The following PCDHGB3 variants were observed in gnomAD, a reference collection of about 807,000 sequenced individuals.
PCDHGB3 encodes the protein protocadherin gamma subfamily B, 3, also known as protocadherin gamma-B3.
In PCDHGB3, 40 loss-of-function variants were observed where a neutral mutation model predicts 59.2. The ratio of observed to expected loss-of-function variants is 0.68; its 90% CI spans 0.52 to 0.88. PCDHGB3 has a LOEUF of 0.88. PCDHGB3 is among the 40% of genes least tolerant of loss of function. The pLI is 0.00. For missense variants in PCDHGB3, 1,309 were observed against 1,187.9 expected, an observed-to-expected ratio of 1.10 and a Z score of -1.50; for synonymous variants, 581 against 503.6, an observed-to-expected ratio of 1.15 and a Z score of -2.06.
At chr5:141,467,208 A>G (rs1272958649) in intron 1 of PCDHGB3, among the ~76,000 whole-genome samples, 1 of 152,064 alleles carries the variant, frequency 6.6e-6, no homozygotes, top group East Asian at 1.9e-4. Flanking sequence ...ACATGCCACC[A>G]TGCCTGGCTA....
chr5:141,422,633 G>T lies in PCDHGB3; in HGVS notation c.2415+49824G>T, dbSNP rs769515606. 10 of 1,613,120 alleles carry T rather than the reference G, an allele frequency of 6.2e-6. No individual in the cohort carries two copies. In the East Asian group the frequency reaches 2.0e-4, roughly 32 times the overall value. ...TACATTCCCGAAAACAACCCCAGGG[G>T]TGCCTCCATCTTCTCAGTGACCGCC... On this transcript the variant is annotated intron_variant, in intron 1 of 3. Coordinates refer to ENST00000576222, the MANE Select transcript of PCDHGB3 (RefSeq NM_018924.5).
chr5:141,472,557 A>G (rs2099288029), intron 1 of PCDHGB3, among the ~76,000 whole-genome samples: 3 of 152,044 alleles, frequency 2.0e-5, no homozygotes, highest in Admixed American at 1.3e-4. Flanking sequence ...AAAAAATTAT[A>G]TTATAAATGC....
In PCDHGB3 at chr5:141,490,795, C is replaced by A; in HGVS notation, c.2416-4012C>A. The A allele has an allele frequency of 1.3e-5, 21 of 1,614,036 alleles. No homozygotes were observed. Among genetic ancestry groups the A allele is most frequent in the Non-Finnish European group, 1.8e-5 (21 of 1,179,922 alleles). On this transcript the variant is annotated intron_variant, in intron 1 of 3. Coordinates refer to ENST00000576222, the MANE Select transcript of PCDHGB3 (RefSeq NM_018924.5). This position sits in a 1 kb window ranked among gnomAD's most constrained non-coding sequence, Gnocchi z 5.4. ...CCCAGAGGATGGACGGATCTTTGCC[C>A]AGCGTACCTTTGACTATGAATTGCT...
intron 1 of PCDHGB3, among the ~76,000 whole-genome samples, chr5:141,454,458 G>A (rs535843071): frequency 5.3e-5 from 8 of 152,322 alleles, no homozygotes; most frequent in Non-Finnish European, 1.5e-5. Flanking sequence ...CCAGGCTGGA[G>A]TGCAATGGCA....
In PCDHGB3 at chr5:141,486,702, T is replaced by C; in HGVS notation, c.2416-8105T>C. On this transcript the variant is annotated intron_variant, in intron 1 of 3. Coordinates refer to ENST00000576222, the MANE Select transcript of PCDHGB3 (RefSeq NM_018924.5). The surrounding 1 kb of genome is among the most constrained non-coding windows in gnomAD (Gnocchi z 5.0). ...GTATCAGCTTCCTCTTTCATCTCTC[T>C]GAACCCCCAGACAGGAGCTGTTCAT... is the stretch of plus-strand genomic sequence containing the variant. 3 of 1,614,218 alleles carry C rather than the reference T, an allele frequency of 1.9e-6. No homozygotes were observed. Among genetic ancestry groups the C allele is most frequent in the Non-Finnish European group, 2.5e-6 (3 of 1,180,040 alleles).
chr5:141,489,061 C>A lies in PCDHGB3; in HGVS notation c.2416-5746C>A. On this transcript the variant is annotated intron_variant, in intron 1 of 3. Coordinates refer to ENST00000576222, the MANE Select transcript of PCDHGB3 (RefSeq NM_018924.5). This position sits in a 1 kb window ranked among gnomAD's most constrained non-coding sequence, Gnocchi z 4.5. ...AGCTCCACTCAAATTCAGCTCCCCT[C>A]CCCCCTGCCCACCCCCGCCACTCGG... 5 of 347,080 alleles carry A rather than the reference C, an allele frequency of 1.4e-5. No individual in the cohort carries two copies. The highest frequency in any genetic ancestry group is 2.2e-5 in the African/African-American group (1 of 46,422). 21.5% of individuals were successfully genotyped at this position (347,080 alleles called of 1,614,324 possible). A position where few individuals can be genotyped will look rare whatever the true frequency, so the allele number is the denominator to read the frequency against.
At position 141,489,185 on chromosome 5, in the gene PCDHGB3, T is replaced by TCTA; in HGVS notation, c.2416-5620_2416-5618dup. Reference sequence around the variant, plus strand: ...CAGCTGCTGCATTCCAAGCCCTGGGTCTACCTTGGAGACAGGACAGCACAG... The same window carrying TCTA: ...CAGCTGCTGCATTCCAAGCCCTGGGTCTACTACCTTGGAGACAGGACAGCACAG... On this transcript the variant is annotated intron_variant, in intron 1 of 3. Coordinates refer to ENST00000576222, the MANE Select transcript of PCDHGB3 (RefSeq NM_018924.5). This position sits in a 1 kb window ranked among gnomAD's most constrained non-coding sequence, Gnocchi z 4.5. 7.8e-7 allele frequency: 1 copy of TCTA among 1,286,838 alleles called. No homozygotes were observed. The highest frequency in any genetic ancestry group is 1.5e-5 in the South Asian group (1 of 65,798). The allele number at this position is 1,286,838 out of a possible 1,614,324, so 79.7% of individuals were successfully genotyped here.
At chr5:141,411,425 A>AC (rs971774943) in intron 1 of PCDHGB3, 58 of 150,512 alleles carry the variant, frequency 3.9e-4, no homozygotes, top group African/African-American at 1.4e-3. Flanking sequence ...AACAACAACA[A>AC]AAAAAAACAT....
chr5:141,420,795 A>G (rs1046945975), intron 1 of PCDHGB3, among the ~76,000 whole-genome samples: 1 of 152,260 alleles, frequency 6.6e-6, no homozygotes, highest in Non-Finnish European at 1.5e-5. Flanking sequence ...AAAACTTTTT[A>G]AAAATTAAGC....
rs2149980452 is a variant in PCDHGB3, at chr5:141,371,200, T to A, written c.806T>A (p.Met269Lys). Residue 269 changes from methionine to lysine, a missense_variant, in exon 1 of 4, where the codon ATG becomes AAG. Transcript: ENST00000576222. ...SSVLKVMAID[M>K]DEGINAEIIY... ...GTATTAAAAGTGATGGCCATTGACA[T>A]GGATGAGGGCATCAATGCCGAAATC... 1 of 1,614,034 alleles carries A rather than the reference T, an allele frequency of 6.2e-7. No homozygotes were observed. Among genetic ancestry groups the A allele is most frequent in the East Asian group, 2.2e-5 (1 of 44,892 alleles).
chr5:141,476,897 A>G lies in PCDHGB3; in HGVS notation c.2416-17910A>G. ...CGTCCTGGAGGATGCACCCTCCGGC[A>G]CGCGCGTGGTACAAGTCCTTGCAAC... On this transcript the variant is annotated intron_variant, in intron 1 of 3. Coordinates refer to ENST00000576222, the MANE Select transcript of PCDHGB3 (RefSeq NM_018924.5). The surrounding 1 kb of genome is among the most constrained non-coding windows in gnomAD (Gnocchi z 7.6). 1 of 1,613,938 alleles carries G rather than the reference A, an allele frequency of 6.2e-7. No individual in the cohort carries two copies. Among genetic ancestry groups the G allele is most frequent in the Non-Finnish European group, 8.5e-7 (1 of 1,180,012 alleles).
At chr5:141,375,511 A>G (rs372798366) in intron 1 of PCDHGB3, 69 of 1,613,842 alleles carry the variant, frequency 4.3e-5, no homozygotes, top group Non-Finnish European at 5.4e-5. Flanking sequence ...CTGTGAATGC[A>G]CTGGACCCTG....
chr5:141,398,369 G>A (rs889057054), intron 1 of PCDHGB3: 2 of 1,428,778 alleles, frequency 1.4e-6, no homozygotes, highest in African/African-American at 2.9e-5. Context: ...AGCGCAGAGA[G>A]CGGGGAGTTG....
chr5:141,496,923 C>T (rs963522127), intron 2 of PCDHGB3, among the ~76,000 whole-genome samples: 9 of 150,728 alleles, frequency 6.0e-5, no homozygotes, highest in East Asian at 1.9e-4. Context: ...CTGTGGTTCA[C>T]GCCTGTAATC....
Position 141,491,445 on chromosome 5 carries a change from C to G in PCDHGB3, c.2416-3362C>G. ...GAGGGCAGTGCTGCAGGCGCCAGGACTCACCCTCCCCGGACTTCTATAAGC... is the reference window on the plus strand; with the variant it reads ...GAGGGCAGTGCTGCAGGCGCCAGGAGTCACCCTCCCCGGACTTCTATAAGC... On this transcript the variant is annotated intron_variant, in intron 1 of 3. Coordinates refer to ENST00000576222, the MANE Select transcript of PCDHGB3 (RefSeq NM_018924.5). This position sits in a 1 kb window ranked among gnomAD's most constrained non-coding sequence, Gnocchi z 6.9. 6.2e-7 allele frequency: 1 copy of G among 1,614,112 alleles called. No individual in the cohort carries two copies. Among genetic ancestry groups the G allele is most frequent in the Non-Finnish European group, 8.5e-7 (1 of 1,180,032 alleles).
rs1265422100 is a variant in PCDHGB3 at position 141,490,199 on chromosome 5, C to A, written c.2416-4608C>A. On this transcript the variant is annotated intron_variant, in intron 1 of 3. Transcript: ENST00000576222. This position sits in a 1 kb window ranked among gnomAD's most constrained non-coding sequence, Gnocchi z 5.4. The stretch of plus-strand genomic sequence containing the variant: ...GAGTCACGTTTCTATGAAATTCATG[C>A]AAGAGCCCGTGACCAGGGACAGCCT... The A allele has an allele frequency of 1.9e-6, 3 of 1,614,184 alleles. No homozygotes were observed. The highest frequency in any genetic ancestry group is 2.5e-6 in the Non-Finnish European group (3 of 1,180,024).
chr5:141,399,890 T>A, intron 1 of PCDHGB3: 1 of 1,612,638 alleles, frequency 6.2e-7, no homozygotes, highest in South Asian at 1.1e-5. Context: ...ACCAAGGTAG[T>A]GGCCGTGGAC....
intron 2 of PCDHGB3, among the ~76,000 whole-genome samples, chr5:141,502,109 C>G (rs2099812899): frequency 1.3e-5 from 2 of 152,182 alleles, no homozygotes; most frequent in Admixed American, 1.3e-4. Flanking sequence ...ACCCTGCACC[C>G]TCAGCCAGGC....
chr5:141,405,459 A>T, intron 1 of PCDHGB3: 2 of 1,229,452 alleles, frequency 1.6e-6, no homozygotes, highest in Non-Finnish European at 2.3e-6. Flanking sequence ...TTACTCTGTT[A>T]CCCAGGCTGG....
Sources: gnomAD v4.1 joint callset for allele counts (sites outside exome capture counted in the v4.1 genomes callset) on GRCh38, gnomAD v4.1.1 for gene constraint, Gnocchi (gnomAD v3.1) non-coding constraint, MANE v1.5 for transcripts, NCBI Gene and HGNC (gene_info 2026-07-23, HGNC 2026-07-21) for gene names.